Variants in HMGB1 observed in about 807,000 individuals in gnomAD.
HMGB1 encodes the protein high mobility group protein B1.
For synonymous variants in HMGB1, 81 were observed against 84.0 expected (o/e 0.96, Z 0.19); for missense variants, 79 against 253.5 (o/e 0.31, Z 4.67).
intron 1 of HMGB1, among the ~76,000 whole-genome samples, chr13:30,574,219 C>G (rs954672457): frequency 1.3e-5 from 2 of 152,176 alleles, no homozygotes; most frequent in African/African-American, 4.8e-5. Context: ...CTTCTGGGCT[C>G]CCACAGCACT....
intron 1 of HMGB1, among the ~76,000 whole-genome samples, chr13:30,532,857 C>A (rs1360949087): frequency 6.6e-6 from 1 of 152,146 alleles, no homozygotes; most frequent in Non-Finnish European, 1.5e-5. Context: ...ATCAACCATC[C>A]ATGCATGTGA....
At chr13:30,592,764 C>G (rs1011310045) in intron 1 of HMGB1, among the ~76,000 whole-genome samples, 2 of 151,572 alleles carry the variant, frequency 1.3e-5, no homozygotes, top group Non-Finnish European at 2.9e-5. Flanking sequence ...GTTGCTTTGT[C>G]TTCAAACTTA....
chr13:30,479,240 T>G (rs1887172304), intron 1 of HMGB1, among the ~76,000 whole-genome samples: 1 of 152,228 alleles, frequency 6.6e-6, no homozygotes. Context: ...GAATCTTTGC[T>G]TCTCTTCTGC....
At chr13:30,564,250 T>C (rs1021141126) in intron 1 of HMGB1, among the ~76,000 whole-genome samples, 1 of 119,704 alleles carries the variant, frequency 8.4e-6, no homozygotes, top group Admixed American at 1.0e-4. Flanking sequence ...CTGGGCAACA[T>C]GGCAAAAACC....
intron 1 of HMGB1, chr13:30,465,195 C>CCGT: frequency 1.3e-6 from 1 of 785,334 alleles, no homozygotes; most frequent in Non-Finnish European, 1.5e-6. Context: ...CGCCGCCCGG[C>CCGT]CGCCGCCGCC....
intron 1 of HMGB1, among the ~76,000 whole-genome samples, chr13:30,503,600 C>A (rs550569536): frequency 2.7e-5 from 4 of 147,858 alleles, no homozygotes; most frequent in Non-Finnish European, 3.0e-5. Flanking sequence ...TCTTCATTTG[C>A]GGCTGCTATA....
intron 1 of HMGB1, among the ~76,000 whole-genome samples, chr13:30,578,368 CTTTTTTTTTT>C (rs60947686): frequency 0.04 from 2,354 of 59,402 alleles, 59 homozygotes; most frequent in African/African-American, 0.14. Flanking sequence ...AGTTCTTGTT[CTTTTTTTTTT>C]TTTTTTTTTT....
intron 1 of HMGB1, among the ~76,000 whole-genome samples, chr13:30,528,418 A>G (rs1393222135): frequency 6.6e-6 from 1 of 152,014 alleles, no homozygotes; most frequent in Non-Finnish European, 1.5e-5. Flanking sequence ...TGGTGGGGGG[A>G]GGGTGAGATC....
At chr13:30,570,986 T>C (rs1870399242) in intron 1 of HMGB1, among the ~76,000 whole-genome samples, 1 of 152,214 alleles carries the variant, frequency 6.6e-6, no homozygotes, top group African/African-American at 2.4e-5. Flanking sequence ...TCTCAAAAAA[T>C]AGTATCATAG....
At chr13:30,498,269 G>A (rs940807133) in intron 1 of HMGB1, among the ~76,000 whole-genome samples, 8 of 152,102 alleles carry the variant, frequency 5.3e-5, no homozygotes, top group Admixed American at 3.9e-4. Context: ...GTAGTGAGCC[G>A]AGATTGCACC....
chr13:30,606,189 T>A (rs1950456676), intron 1 of HMGB1, among the ~76,000 whole-genome samples: 1 of 152,216 alleles, frequency 6.6e-6, no homozygotes, highest in Non-Finnish European at 1.5e-5. Flanking sequence ...GTTTTTCTAT[T>A]CTAGAAGGAT....
At chr13:30,608,211 C>A (rs1950479029) in intron 1 of HMGB1, among the ~76,000 whole-genome samples, 1 of 152,130 alleles carries the variant, frequency 6.6e-6, no homozygotes, top group South Asian at 2.1e-4. Context: ...CTAAACCACT[C>A]CCAGATTCCT....
chr13:30,467,847 A>G (rs186132783), upstream of HMGB1, among the ~76,000 whole-genome samples: 216 of 152,334 alleles, frequency 1.4e-3, 1 homozygote, highest in Non-Finnish European at 2.4e-3. Flanking sequence ...GCACGGCCAT[A>G]CACTTTACTG....
At chr13:30,518,510 T>C (rs886086945) in intron 1 of HMGB1, among the ~76,000 whole-genome samples, 1 of 152,192 alleles carries the variant, frequency 6.6e-6, no homozygotes, top group African/African-American at 2.4e-5. Flanking sequence ...GTCATTTAGT[T>C]GCTGAAGGAC....
At chr13:30,495,764 C>T (rs903112313) in intron 1 of HMGB1, among the ~76,000 whole-genome samples, 1 of 152,238 alleles carries the variant, frequency 6.6e-6, no homozygotes, top group African/African-American at 2.4e-5. Flanking sequence ...AGGTGTGAGC[C>T]ACTGCACCCG....
intron 1 of HMGB1, among the ~76,000 whole-genome samples, chr13:30,615,446 A>C (rs1034211605): frequency 6.6e-6 from 1 of 152,200 alleles, no homozygotes; most frequent in African/African-American, 2.4e-5. Context: ...CCCCATAATC[A>C]AACATATTAA....
chr13:30,498,565 G>A (rs1180797072), intron 1 of HMGB1, among the ~76,000 whole-genome samples: 1 of 151,816 alleles, frequency 6.6e-6, no homozygotes, highest in Non-Finnish European at 1.5e-5. Flanking sequence ...TAGCTATAGA[G>A]TAGGACACAA....
chr13:30,480,214 C>T (rs1328719150), intron 1 of HMGB1, among the ~76,000 whole-genome samples: 1 of 152,168 alleles, frequency 6.6e-6, no homozygotes, highest in African/African-American at 2.4e-5. Flanking sequence ...AAATGTATTG[C>T]CTTGTGTGGA....
At chr13:30,588,344 A>C (rs1350146349) in intron 1 of HMGB1, among the ~76,000 whole-genome samples, 1 of 152,206 alleles carries the variant, frequency 6.6e-6, no homozygotes, top group Non-Finnish European at 1.5e-5. Context: ...CTTCATGAAG[A>C]TGAGATCTGG....
Sources: gnomAD v4.1 joint callset for allele counts (sites outside exome capture counted in the v4.1 genomes callset) on GRCh38, gnomAD v4.1.1 for gene constraint, MANE v1.5 for transcripts, NCBI Gene and HGNC (gene_info 2026-07-23, HGNC 2026-07-21) for gene names.